Variants in RTF2 observed in about 807,000 individuals in gnomAD.
RTF2 encodes replication termination factor 2.
RTF2 carries 18 observed loss-of-function variants against 38.0 expected under a neutral mutation model. The ratio of observed to expected loss-of-function variants is 0.47; its 90% CI spans 0.33 to 0.70. RTF2 has a LOEUF of 0.70. Among genes scored for constraint, RTF2 ranks in the 30% least tolerant of loss-of-function variants. RTF2 has a pLI of 0.02. For missense variants in RTF2, 311 were observed against 379.6 expected (o/e 0.82, Z 1.50); for synonymous variants, 126 against 137.1 (o/e 0.92, Z 0.57).
intron 5 of RTF2, among the ~76,000 whole-genome samples, chr20:56,484,806 TG>T (rs1982704434): frequency 6.6e-6 from 1 of 152,188 alleles, no homozygotes; most frequent in Non-Finnish European, 1.5e-5. Context: ...AGCCAGAATG[TG>T]TGTGTGTCTT....
intron 5 of RTF2, among the ~76,000 whole-genome samples, chr20:56,491,246 T>C (rs939370616): frequency 1.3e-5 from 2 of 152,240 alleles, no homozygotes; most frequent in South Asian, 2.1e-4. Flanking sequence ...GTCGTTCTTA[T>C]TCCAGCTTGA....
intron 5 of RTF2, among the ~76,000 whole-genome samples, chr20:56,503,834 G>A (rs1054019633): frequency 2.0e-5 from 3 of 152,148 alleles, no homozygotes; most frequent in African/African-American, 7.2e-5. Flanking sequence ...TGGGCATAGT[G>A]ATGTGTGCCT....
intron 5 of RTF2, among the ~76,000 whole-genome samples, chr20:56,511,285 A>G (rs939846100): frequency 1.3e-5 from 2 of 152,170 alleles, no homozygotes; most frequent in South Asian, 4.1e-4. Flanking sequence ...CCAGAGCTCC[A>G]TCAGCGGCAT....
chr20:56,495,320 A>G (rs2146343483), intron 5 of RTF2: 3 of 1,518,690 alleles, frequency 2.0e-6, no homozygotes, highest in East Asian at 4.9e-5. Context: ...CAAAACCAGC[A>G]TTCAGTGTGG....
At chr20:56,480,172 T>G (rs1035817368) in intron 4 of RTF2, among the ~76,000 whole-genome samples, 1 of 152,274 alleles carries the variant, frequency 6.6e-6, no homozygotes, top group African/African-American at 2.4e-5. Context: ...GTACCCATCT[T>G]TATTAATGAT....
intron 4 of RTF2, among the ~76,000 whole-genome samples, chr20:56,477,981 A>G (rs957710378): frequency 2.6e-5 from 4 of 152,140 alleles, no homozygotes; most frequent in African/African-American, 9.7e-5. Context: ...CAACCTGTAT[A>G]TTTTCCTCTT....
chr20:56,506,966 C>A (rs1021909016), intron 5 of RTF2, among the ~76,000 whole-genome samples: 1 of 152,190 alleles, frequency 6.6e-6, no homozygotes, highest in African/African-American at 2.4e-5. Flanking sequence ...TTCCAAAGTA[C>A]TGGGATTACA....
intron 4 of RTF2, among the ~76,000 whole-genome samples, chr20:56,481,205 A>G (rs1982509157): frequency 6.6e-6 from 1 of 152,210 alleles, no homozygotes; most frequent in Non-Finnish European, 1.5e-5. Flanking sequence ...GGGTGGGGCA[A>G]AGCATCTCGA....
chr20:56,470,918 TG>T (rs1250217650), intron 1 of RTF2: 1 of 248,394 alleles, frequency 4.0e-6, no homozygotes, highest in Non-Finnish European at 8.5e-6. Flanking sequence ...TCCTTTAAAA[TG>T]TATTTGTAAT....
At chr20:56,469,160 T>C (rs1449193937) in intron 1 of RTF2, among the ~76,000 whole-genome samples, 1 of 152,234 alleles carries the variant, frequency 6.6e-6, no homozygotes, top group Non-Finnish European at 1.5e-5. Context: ...TACTGAGTTT[T>C]GTATACACTA....
intron 1 of RTF2, chr20:56,471,500 A>C (rs1028651512): frequency 1.3e-5 from 2 of 152,090 alleles, no homozygotes; most frequent in Admixed American, 1.3e-4. Flanking sequence ...CCCAGGAGGC[A>C]GAGCTTGCAG....
Position 56,477,104 on chromosome 20 carries a change from G to A in RTF2, c.378G>A (p.Leu126=). 6.2e-7 allele frequency: 1 copy of A among 1,613,824 alleles called. No individual in the cohort carries two copies. The highest frequency in any genetic ancestry group is 8.5e-7 in the Non-Finnish European group (1 of 1,179,870). Residue 126 remains leucine, a synonymous_variant, in exon 4 of 9, where the codon CTG becomes CTA. Coordinates refer to ENST00000357348, the MANE Select transcript of RTF2 (RefSeq NM_016407.5). ...GTTTCATCTGCCCCGTTGTGGGCCT[G>A]GAGATGAACGGCCGACACAGGTTAG... is the stretch of plus-strand genomic sequence containing the variant. ...RARFICPVVG[L]EMNGRHRFCF...
intron 6 of RTF2, chr20:56,515,665 G>C (rs8122648): frequency 7.5e-4 from 110 of 145,778 alleles, no homozygotes; most frequent in African/African-American, 1.6e-3. Context: ...CTCAGACAGA[G>C]ACACACACAC....
chr20:56,495,753 C>T (rs997713164), intron 5 of RTF2, among the ~76,000 whole-genome samples: 19 of 152,178 alleles, frequency 1.2e-4, no homozygotes, highest in African/African-American at 4.6e-4. Context: ...TCATCGTACA[C>T]CACTGTCTAG....
chr20:56,497,074 TA>T, intron 5 of RTF2: 1 of 1,551,794 alleles, frequency 6.4e-7, no homozygotes, highest in South Asian at 1.2e-5. Context: ...TGTAGTCTTG[TA>T]AAGCCAGCAT....
intron 4 of RTF2, among the ~76,000 whole-genome samples, chr20:56,482,395 C>CA (rs1325601189): frequency 6.6e-6 from 1 of 152,188 alleles, no homozygotes; most frequent in Non-Finnish European, 1.5e-5. Context: ...GGAATAATGA[C>CA]AAAAAAGTCT....
At chr20:56,497,007 A>G in intron 5 of RTF2, 1 of 1,551,870 alleles carries the variant, frequency 6.4e-7, no homozygotes, top group Non-Finnish European at 8.7e-7. Flanking sequence ...AAGATTGATG[A>G]CATAGTTCCA....
At chr20:56,481,446 T>A (rs1263807615) in intron 4 of RTF2, among the ~76,000 whole-genome samples, 1 of 152,216 alleles carries the variant, frequency 6.6e-6, no homozygotes, top group African/African-American at 2.4e-5. Context: ...AAGGACCTTT[T>A]GCTTTTAAAT....
intron 1 of RTF2, among the ~76,000 whole-genome samples, chr20:56,469,585 G>A (rs1253640856): frequency 1.3e-5 from 2 of 152,314 alleles, no homozygotes; most frequent in East Asian, 3.9e-4. Context: ...AAAGCACCTA[G>A]TAGAGACTTC....
Sources: gnomAD v4.1 joint callset for allele counts (sites outside exome capture counted in the v4.1 genomes callset) on GRCh38, gnomAD v4.1.1 for gene constraint, MANE v1.5 for transcripts, NCBI Gene and HGNC (gene_info 2026-07-23, HGNC 2026-07-21) for gene names.